The following SCN1A variants were observed in gnomAD, a reference collection of about 807,000 sequenced individuals.
SCN1A encodes the protein sodium channel protein type 1 subunit alpha.
A neutral mutation model predicts 193.7 loss-of-function variants in SCN1A; 13 were observed. That is an observed-to-expected ratio of 0.07 (90% CI 0.04 to 0.11). The LOEUF is 0.11. Ranked by LOEUF, SCN1A falls within the 10% of genes least tolerant of loss-of-function variation. The pLI is 1.00. For synonymous variants in SCN1A, 781 were observed against 843.6 expected, an observed-to-expected ratio of 0.93 and a Z score of 1.29; for missense variants, 1,432 against 2,451.1, an observed-to-expected ratio of 0.58 and a Z score of 8.78.
intron 2 of SCN1A, among the ~76,000 whole-genome samples, chr2:166,086,809 G>A (rs1298074492): frequency 6.6e-6 from 1 of 152,118 alleles, no homozygotes; most frequent in African/African-American, 2.4e-5. Context: ...ATACTGGTCT[G>A]GGTTAAAGAG....
chr2:166,091,253 T>C (rs1686770469), intron 2 of SCN1A, among the ~76,000 whole-genome samples: 1 of 152,220 alleles, frequency 6.6e-6, no homozygotes, highest in Non-Finnish European at 1.5e-5. Context: ...TTTCCTTTTT[T>C]TCCTTTCTTT....
rs1284382690 is a variant in SCN1A, at chr2:165,996,115, A to G, written c.4479T>C (p.Phe1493=). 6.4e-7 allele frequency: 1 copy of G among 1,568,482 alleles called. No homozygotes were observed. The highest frequency in any genetic ancestry group is 1.1e-5 in the South Asian group (1 of 89,864). ...IDNFNQQKKK[F]GGQDIFMTEE... ...CTGTCATAAAGATGTCTTGACCTCCAAAGTATAGAAAAGAAAAATCAAACT... is the reference window on the plus strand; with the variant it reads ...CTGTCATAAAGATGTCTTGACCTCCGAAGTATAGAAAAGAAAAATCAAACT... Residue 1493 remains phenylalanine, a splice_region_variant and synonymous_variant, in exon 27 of 29, where the codon TTT becomes TTC. Transcript: ENST00000674923.
chr2:165,998,521 A>G (rs1364012641), intron 25 of SCN1A, among the ~76,000 whole-genome samples: 1 of 151,340 alleles, frequency 6.6e-6, no homozygotes, highest in Non-Finnish European at 1.5e-5. Flanking sequence ...GTAAATATCT[A>G]CAGGCTAGGT....
chr2:166,073,426 C>T lies in SCN1A; in HGVS notation c.196G>A (p.Gly66Arg). Residue 66 changes from glycine (G) to arginine (R), a missense_variant, in exon 4 of 29, where the codon GGA (glycine) becomes AGA (arginine). Transcript: ENST00000674923. ...EAGKNLPFIY[G>R]DIPPEMVSEP... is the part of the protein sequence containing the mutation. ...GACACCATCTCTGGAGGAATGTCTCCATAAATAAATGGAAGGTTCTTTCCA... is the reference window on the plus strand; with the variant it reads ...GACACCATCTCTGGAGGAATGTCTCTATAAATAAATGGAAGGTTCTTTCCA... The T allele has an allele frequency of 6.2e-7, 1 of 1,614,176 alleles. No individual in the cohort carries two copies. Among genetic ancestry groups the T allele is most frequent in the Non-Finnish European group, 8.5e-7 (1 of 1,180,026 alleles).
intron 27 of SCN1A, 72 bp from the exon 28 acceptor site, chr2:165,994,488 C>T: frequency 1.4e-6 from 2 of 1,408,420 alleles, no homozygotes; most frequent in South Asian, 1.2e-5. Flanking sequence ...GTACTTTCTG[C>T]ATTAATTGAC....
chr2:166,088,164 C>G (rs1686355932), intron 2 of SCN1A, among the ~76,000 whole-genome samples: 1 of 152,088 alleles, frequency 6.6e-6, no homozygotes, highest in Admixed American at 6.6e-5. Context: ...CATCACATCA[C>G]TTGTATTCAC....
chr2:166,040,475 A>G (rs1192522703), intron 16 of SCN1A, among the ~76,000 whole-genome samples: 1 of 152,184 alleles, frequency 6.6e-6, no homozygotes, highest in Non-Finnish European at 1.5e-5. Context: ...CAAAAATATA[A>G]CTAATAAAAT....
At chr2:166,015,485 A>G (rs1161042548) in intron 20 of SCN1A, 122 bp downstream of exon 20, 2 of 1,164,838 alleles carry the variant, frequency 1.7e-6, no homozygotes, top group African/African-American at 3.1e-5. Flanking sequence ...AACATATTAG[A>G]GGTGATTGAA....
intron 1 of SCN1A, among the ~76,000 whole-genome samples, chr2:166,127,284 T>C (rs1361940453): frequency 6.6e-6 from 1 of 152,180 alleles, no homozygotes; most frequent in Non-Finnish European, 1.5e-5. Context: ...TGAATACCCC[T>C]GCAATGCTAG....
chr2:166,130,303 G>T (rs1321022446), upstream of SCN1A, among the ~76,000 whole-genome samples: 2 of 152,128 alleles, frequency 1.3e-5, no homozygotes, highest in Non-Finnish European at 2.9e-5. Context: ...CCTGATATAT[G>T]CCAGGCACTT....
intron 24 of SCN1A, among the ~76,000 whole-genome samples, chr2:166,000,304 A>G (rs1690651369): frequency 6.6e-6 from 1 of 151,814 alleles, no homozygotes; most frequent in African/African-American, 2.4e-5. Context: ...CAAAACATTT[A>G]GAAATACAAT....
chr2:166,060,307 CTA>C (rs1683156340), intron 4 of SCN1A: 1 of 151,862 alleles, frequency 6.6e-6, no homozygotes, highest in Non-Finnish European at 1.5e-5. Context: ...GAACAATCCC[CTA>C]TGCCAACAAT....
intron 19 of SCN1A, among the ~76,000 whole-genome samples, chr2:166,032,269 A>G (rs1187099815): frequency 1.5e-5 from 1 of 64,792 alleles, no homozygotes; most frequent in East Asian, 1.6e-3. Flanking sequence ...CTTATAGCTT[A>G]TTAGTATACT....
chr2:166,124,660 T>C (rs1691033306), intron 2 of SCN1A, among the ~76,000 whole-genome samples: 1 of 152,202 alleles, frequency 6.6e-6, no homozygotes, highest in Admixed American at 6.5e-5. Context: ...ACAGCTCACA[T>C]GTACGACTGC....
intron 4 of SCN1A, among the ~76,000 whole-genome samples, chr2:166,070,329 A>C (rs959872021): frequency 1.3e-5 from 2 of 152,202 alleles, no homozygotes; most frequent in African/African-American, 4.8e-5. Flanking sequence ...GCTTGCTGTC[A>C]GTTCAATGTA....
At chr2:166,045,830 A>C (rs181282963) in intron 12 of SCN1A, among the ~76,000 whole-genome samples, 79 of 152,292 alleles carry the variant, frequency 5.2e-4, no homozygotes, top group African/African-American at 1.9e-3. Flanking sequence ...ACAGTTATAA[A>C]ATCCCTTTCT....
In SCN1A at chr2:166,048,931, T is replaced by A. The variant is rs375474415; in HGVS notation, c.983A>T (p.Glu328Val). 4.4e-6 allele frequency: 7 copies of A among 1,605,048 alleles called. No homozygotes were observed. Among genetic ancestry groups the A allele is most frequent in the Non-Finnish European group, 6.0e-6 (7 of 1,172,492 alleles). The change falls in exon 10 of 29, where the codon GAG becomes GTG. Residue 328 changes from glutamate (E) to valine (V), a missense_variant. Transcript: ENST00000674923. ...IQDSRYHYFL[E>V]GFLDALLCGN... ...ACATAGTAGTGCATCTAAAAAACCC[T>A]CCAGGAAATAATGATATCCTGTTTG...
intron 17 of SCN1A, among the ~76,000 whole-genome samples, chr2:166,039,109 G>A (rs1167698918): frequency 2.6e-5 from 4 of 152,110 alleles, no homozygotes; most frequent in Non-Finnish European, 5.9e-5. Context: ...ACTATTAAAA[G>A]GTGATGCATT....
At chr2:166,117,962 C>CA (rs5836086) in intron 2 of SCN1A, among the ~76,000 whole-genome samples, 116,851 of 146,034 alleles carry the variant, frequency 0.8, 46,037 homozygotes, top group Admixed American at 0.85. Flanking sequence ...GACTCTGTCT[C>CA]AAAAAAAAAA....
Sources: gnomAD v4.1 joint callset for allele counts (sites outside exome capture counted in the v4.1 genomes callset) on GRCh38, gnomAD v4.1.1 for gene constraint, MANE v1.5 for transcripts, NCBI Gene and HGNC (gene_info 2026-07-23, HGNC 2026-07-21) for gene names.